RB1CC1: variants seen among roughly 807,000 people sequenced by gnomAD.
RB1CC1 encodes RB1 inducible coiled-coil 1.
In RB1CC1, 46 loss-of-function variants were observed where a neutral mutation model predicts 177.5. The observed-to-expected ratio is 0.26, with a 90% CI of 0.20 to 0.33. The LOEUF (loss-of-function observed/expected upper bound fraction) is 0.33. Ranked by LOEUF, RB1CC1 falls within the 10% of genes least tolerant of loss-of-function variation. The pLI is 1.00. For synonymous variants in RB1CC1, 666 were observed against 613.6 expected (o/e 1.09, Z -1.26); for missense variants, 1,703 against 1,816.3 (o/e 0.94, Z 1.13).
In RB1CC1 at chr8:52,668,049, A is replaced by T; in HGVS notation, c.1145T>A (p.Leu382Gln). 6.2e-7 allele frequency: 1 copy of T among 1,613,994 alleles called. No homozygotes were observed. Among genetic ancestry groups the T allele is most frequent in the Non-Finnish European group, 8.5e-7 (1 of 1,179,906 alleles). Reference protein sequence around the residue: ...LDQMIASCGRLVNEQKELAQG... With the variant: ...LDQMIASCGRQVNEQKELAQG... Reference sequence around the variant, plus strand: ...AGCAAGCTCTTTCTGTTCATTCACCAGTCGGCCACAGCTAGCAATCATCTG... The same window carrying T: ...AGCAAGCTCTTTCTGTTCATTCACCTGTCGGCCACAGCTAGCAATCATCTG... Residue 382 changes from leucine (L) to glutamine (Q), a missense_variant, in exon 8 of 24, where the codon CTG becomes CAG. Coordinates refer to ENST00000025008, the MANE Select transcript of RB1CC1 (RefSeq NM_014781.5).
rs1850592233 is a variant in RB1CC1 at position 52,651,620 on chromosome 8, G to A, written c.3821+4388C>T. ...TCACCTTGTTGATATTGGCACTGATGATCAAACTGCTGGTACCTGAACACA... is the reference window on the plus strand; with the variant it reads ...TCACCTTGTTGATATTGGCACTGATAATCAAACTGCTGGTACCTGAACACA... On this transcript the variant is annotated intron_variant, in intron 15 of 23. Transcript: ENST00000025008. Among the ~76,000 whole-genome samples the A allele has an allele frequency of 2.0e-5, 3 of 152,172 alleles. No individual in the cohort carries two copies. In the South Asian group the frequency reaches 6.2e-4, roughly 32 times the overall value.
chr8:52,660,837 C>A, intron 11 of RB1CC1, 89 bp downstream of exon 11: 1 of 1,177,508 alleles, frequency 8.5e-7, no homozygotes, highest in African/African-American at 1.6e-5. Flanking sequence ...CAATTAACAG[C>A]ATATACATGA....
chr8:52,651,799 T>C (rs1053183346), intron 15 of RB1CC1, among the ~76,000 whole-genome samples: 1 of 152,218 alleles, frequency 6.6e-6, no homozygotes, highest in Admixed American at 6.5e-5. Flanking sequence ...ATTTGGAAGA[T>C]CTGCATTAAC....
chr8:52,665,333 T>C (rs537854477), intron 8 of RB1CC1, among the ~76,000 whole-genome samples: 1 of 152,234 alleles, frequency 6.6e-6, no homozygotes, highest in East Asian at 1.9e-4. Flanking sequence ...AACAGAGAAA[T>C]TACTCTTCTT....
intron 1 of RB1CC1, among the ~76,000 whole-genome samples, chr8:52,692,333 C>CA (rs931342782): frequency 8.6e-5 from 13 of 152,006 alleles, no homozygotes; most frequent in Non-Finnish European, 1.6e-4. Flanking sequence ...AAAAAAGCTA[C>CA]AAAAAATCTT....
intron 20 of RB1CC1, among the ~76,000 whole-genome samples, chr8:52,631,572 T>C (rs1848759750): frequency 6.6e-6 from 1 of 152,196 alleles, no homozygotes. Flanking sequence ...CTCTGGAATG[T>C]ATGCATGCCA....
intron 1 of RB1CC1, among the ~76,000 whole-genome samples, chr8:52,688,229 G>A (rs937169894): frequency 6.6e-6 from 1 of 152,134 alleles, no homozygotes; most frequent in African/African-American, 2.4e-5. Context: ...ACAACCATAA[G>A]GTCTGACTGC....
chr8:52,628,829 T>C (rs1848566978), intron 21 of RB1CC1, among the ~76,000 whole-genome samples: 1 of 152,212 alleles, frequency 6.6e-6, no homozygotes, highest in Admixed American at 6.5e-5. Flanking sequence ...TTTTCAGTTG[T>C]CAAGATCATT....
chr8:52,688,937 G>C (rs56945349), intron 1 of RB1CC1, among the ~76,000 whole-genome samples: 4,425 of 152,186 alleles, frequency 0.029, 245 homozygotes, highest in African/African-American at 0.1. Context: ...CCCCCAATAG[G>C]ATGTCAAAGA....
intron 12 of RB1CC1, among the ~76,000 whole-genome samples, 163 bp from the exon 13 acceptor site, chr8:52,659,139 A>G (rs1851370854): frequency 6.6e-6 from 1 of 152,216 alleles, no homozygotes; most frequent in African/African-American, 2.4e-5. Context: ...GATATGGCAT[A>G]TTATTTTCCT....
At position 52,657,387 on chromosome 8, in the gene RB1CC1, G is replaced by A; in HGVS notation, c.2442C>T (p.Thr814=). The change falls in exon 15 of 24, where the codon ACC becomes ACT. Residue 814 remains threonine (T), a synonymous_variant. Transcript: ENST00000025008. ...VAQDSHFSIQ[T]IKEDLCHFRT... ...TAAAGTGGCAAAGGTCTTCCTTAATGGTTTGTATACTGAAGTGAGAGTCTT... is the reference window on the plus strand; with the variant it reads ...TAAAGTGGCAAAGGTCTTCCTTAATAGTTTGTATACTGAAGTGAGAGTCTT... 1 of 1,613,980 alleles carries A rather than the reference G, an allele frequency of 6.2e-7. No individual in the cohort carries two copies. Among genetic ancestry groups the A allele is most frequent in the South Asian group, 1.1e-5 (1 of 91,074 alleles).
At position 52,657,716 on chromosome 8, in the gene RB1CC1, T is replaced by G; in HGVS notation, c.2113A>C (p.Ile705Leu). ...GTCTGTTCTATGTTTGGATGGGGAA[T>G]AGTTTCAAAATCAAACGTATGTGCA... ...IDAHTFDFETIPHPNIEQTIH... is the reference protein window; with the variant it reads ...IDAHTFDFETLPHPNIEQTIH... The change falls in exon 15 of 24, where the codon ATT (isoleucine) becomes CTT (leucine). Residue 705 changes from isoleucine (I) to leucine (L), a missense_variant. Transcript: ENST00000025008. The G allele has an allele frequency of 6.2e-7, 1 of 1,614,132 alleles. No homozygotes were observed. The highest frequency in any genetic ancestry group is 8.5e-7 in the Non-Finnish European group (1 of 1,179,998).
intron 7 of RB1CC1, among the ~76,000 whole-genome samples, chr8:52,670,717 T>A (rs1852492992): frequency 1.3e-5 from 2 of 152,210 alleles, no homozygotes; most frequent in Admixed American, 6.5e-5. Flanking sequence ...CCGGGTGCAG[T>A]GGCTCACACC....
Position 52,623,705 on chromosome 8 carries a change from GT to G in RB1CC1, c.*76del. The G allele has an allele frequency of 1.9e-6, 2 of 1,060,070 alleles. No individual in the cohort carries two copies. Among genetic ancestry groups the G allele is most frequent in the Non-Finnish European group, 1.5e-6 (1 of 684,070 alleles). The allele number at this position is 1,060,070 out of a possible 1,614,324, so 65.7% of individuals were successfully genotyped here. A position where few individuals can be genotyped will look rare whatever the true frequency, so the allele number is the denominator to read the frequency against. ...CTTTTGCATAAAAAGATGGCCTGCT[GT>G]TTTTGGAGTGATGAATGAGCACTGC... is the stretch of plus-strand genomic sequence containing the variant. On this transcript the variant is annotated 3_prime_UTR_variant, in exon 24 of 24. Transcript: ENST00000025008.
chr8:52,672,791 A>G (rs1266086398), intron 7 of RB1CC1, among the ~76,000 whole-genome samples: 1 of 152,204 alleles, frequency 6.6e-6, no homozygotes, highest in Admixed American at 6.5e-5. Context: ...GATCACAATC[A>G]TGTAAGCAAT....
At position 52,657,704 on chromosome 8, in the gene RB1CC1, T is replaced by C. The variant is rs1417350019; in HGVS notation, c.2125A>G (p.Asn709Asp). 6.2e-7 allele frequency: 1 copy of C among 1,614,112 alleles called. No homozygotes were observed. The highest frequency in any genetic ancestry group is 1.1e-5 in the South Asian group (1 of 91,082). The change falls in exon 15 of 24, where the codon AAC becomes GAC. Residue 709 changes from asparagine (N) to aspartate (D), a missense_variant. By Grantham distance (23) the Asn-to-Asp change is conservative (BLOSUM62 1). Transcript: ENST00000025008. ...TFDFETIPHP[N>D]IEQTIHQVSL... ...ACTTGGTGAATAGTCTGTTCTATGT[T>C]TGGATGGGGAATAGTTTCAAAATCA...
At chr8:52,648,633 A>G (rs1277997395) in intron 15 of RB1CC1, among the ~76,000 whole-genome samples, 1 of 152,118 alleles carries the variant, frequency 6.6e-6, no homozygotes, top group African/African-American at 2.4e-5. Context: ...GATGCCTGAA[A>G]CTGTAGATAG....
chr8:52,661,279 C>A lies in RB1CC1; in HGVS notation c.1361G>T (p.Trp454Leu). 1 of 1,609,104 alleles carries A rather than the reference C, an allele frequency of 6.2e-7. No homozygotes were observed. The highest frequency in any genetic ancestry group is 8.5e-7 in the Non-Finnish European group (1 of 1,178,920). The change falls in exon 10 of 24, where the codon TGG becomes TTG. Residue 454 changes from tryptophan (W) to leucine (L), a missense_variant and splice_region_variant. Around this residue, in one of 6 missense-constraint regions of RB1CC1, gnomAD observed 1,169 missense variants for 1,184.7 expected, o/e 0.99. Transcript: ENST00000025008. The stretch of plus-strand genomic sequence containing the variant: ...AGCATGAAGCATTACAAAGCAACAC[C>A]ACCTAGAGAATAAAATCCATTATTT... ...LANNLHVRLK[W>L]CCFVMLHADQ...
intron 8 of RB1CC1, among the ~76,000 whole-genome samples, chr8:52,662,207 A>G (rs1375567940): frequency 6.6e-6 from 1 of 152,070 alleles, no homozygotes; most frequent in Non-Finnish European, 1.5e-5. Context: ...TCTGGACTAT[A>G]TTTTGTTCCA....
Sources: gnomAD v4.1 joint callset for allele counts (sites outside exome capture counted in the v4.1 genomes callset) on GRCh38, gnomAD v4.1.1 for gene constraint, gnomAD v4.1.1 regional missense constraint, MANE v1.5 for transcripts, NCBI Gene and HGNC (gene_info 2026-07-23, HGNC 2026-07-21) for gene names.